The following ANXA2 variants were observed in gnomAD, a reference collection of about 807,000 sequenced individuals.
The protein encoded by ANXA2 is annexin A2.
A neutral mutation model predicts 47.3 loss-of-function variants in ANXA2; 28 were observed. The ratio of observed to expected loss-of-function variants is 0.59; its 90% CI spans 0.44 to 0.81. The LOEUF (loss-of-function observed/expected upper bound fraction) is 0.81, where lower values mean the gene tolerates loss of function less well. Ranked by LOEUF, ANXA2 falls within the 40% of genes least tolerant of loss-of-function variation. ANXA2 has a pLI of 0.00. For synonymous variants in ANXA2, 172 were observed against 155.5 expected (o/e 1.11, Z -0.79); for missense variants, 384 against 414.3 (o/e 0.93, Z 0.64).
At chr15:60,348,373 T>C (rs1235675260) in intron 12 of ANXA2, among the ~76,000 whole-genome samples, 1 of 152,120 alleles carries the variant, frequency 6.6e-6, no homozygotes, top group Admixed American at 6.5e-5. Flanking sequence ...CTAAACTGAT[T>C]GGAGAGATGG....
intron 1 of ANXA2, among the ~76,000 whole-genome samples, chr15:60,395,092 G>C (rs1172956701): frequency 6.6e-6 from 1 of 152,190 alleles, no homozygotes; most frequent in Non-Finnish European, 1.5e-5. Flanking sequence ...CCCCGAGGTA[G>C]GTAAAATGTG....
chr15:60,387,755 T>C (rs1397052574), intron 1 of ANXA2, among the ~76,000 whole-genome samples: 1 of 152,228 alleles, frequency 6.6e-6, no homozygotes, highest in Non-Finnish European at 1.5e-5. Context: ...TGTGTCAATG[T>C]AGGTTCATCA....
chr15:60,377,882 G>A (rs1199256859), intron 3 of ANXA2, among the ~76,000 whole-genome samples: 2 of 152,062 alleles, frequency 1.3e-5, no homozygotes, highest in Non-Finnish European at 2.9e-5. Context: ...GAGGTCAGGA[G>A]TGCGAGACGA....
Position 60,360,257 on chromosome 15 carries a change from A to AAAAAC in ANXA2, c.357+679_357+683dup, listed in dbSNP as rs374584181. On this transcript the variant is annotated intron_variant, in intron 5 of 12. Coordinates refer to ENST00000451270, the MANE Select transcript of ANXA2 (RefSeq NM_004039.3). Reference sequence around the variant, plus strand: ...GGCAACAAGAGCGAAATCCATCTCAAAAAACAAAACAAAACAAAACAAAAA... The same window carrying AAAAAC: ...GGCAACAAGAGCGAAATCCATCTCAAAAAACAAAACAAAACAAAACAAAACAAAAA... Among the ~76,000 whole-genome samples the AAAAAC allele has an allele frequency of 5.5e-3, 838 of 152,306 alleles. 11 individuals carry two copies. The highest frequency in any genetic ancestry group is 0.02 in the African/African-American group (813 of 41,522).
At chr15:60,355,640 G>A (rs1566932007) in intron 7 of ANXA2, 6 of 500,364 alleles carry the variant, frequency 1.2e-5, no homozygotes, top group Admixed American at 3.2e-5. Context: ...TAAGTCACAC[G>A]GCCAAGGCTC....
chr15:60,348,740 C>T (rs150918436), intron 12 of ANXA2, among the ~76,000 whole-genome samples: 2,129 of 124,810 alleles, frequency 0.017, 25 homozygotes, highest in Middle Eastern at 0.039. Context: ...AGCAAGACTC[C>T]GTCTCAAAAA....
At position 60,355,983 on chromosome 15, in the gene ANXA2, A is replaced by G; in HGVS notation, c.464T>C (p.Leu155Pro). 1 of 1,613,926 alleles carries G rather than the reference A, an allele frequency of 6.2e-7. No individual in the cohort carries two copies. The highest frequency in any genetic ancestry group is 8.5e-7 in the Non-Finnish European group (1 of 1,179,784). The change falls in exon 7 of 13, where the codon CTG becomes CCG. Residue 155 changes from leucine (L) to proline (P), a missense_variant. Transcript: ENST00000451270. ...TGTGTCCGAAATAATGTCCTTCTCC[A>G]GATCAGTCTTGTACACTTGGAGGAA... ...RVYKEMYKTD[L>P]EKDIISDTSG...
chr15:60,388,988 C>G (rs1011894862), intron 1 of ANXA2, among the ~76,000 whole-genome samples: 1 of 151,850 alleles, frequency 6.6e-6, no homozygotes, highest in Non-Finnish European at 1.5e-5. Flanking sequence ...TCTCTAACTT[C>G]AACATGGACC....
intron 1 of ANXA2, 195 bp downstream of exon 1, chr15:60,397,748 T>G: frequency 1.4e-4 from 47 of 334,916 alleles, no homozygotes; most frequent in Middle Eastern, 6.0e-4. Flanking sequence ...CCCTCACCCC[T>G]GCCCCAAACA....
chr15:60,361,584 C>T (rs947822640), intron 4 of ANXA2: 1 of 156,120 alleles, frequency 6.4e-6, no homozygotes, highest in Non-Finnish European at 1.4e-5. Context: ...GGTCATGAAA[C>T]TTTCCTATGC....
chr15:60,357,212 G>T lies in ANXA2; in HGVS notation c.382C>A (p.Leu128Ile). 6.2e-7 allele frequency: 1 copy of T among 1,614,170 alleles called. No individual in the cohort carries two copies. The change falls in exon 6 of 13, where the codon CTC becomes ATC. Residue 128 changes from leucine to isoleucine, a missense_variant. Coordinates refer to ENST00000451270, the MANE Select transcript of ANXA2 (RefSeq NM_004039.3). ...GTTCTGGAGCAGATGATCTCAATGA[G>T]AGAGTCCTCGTCGGTTCCCAGCCCC... ...MKGLGTDEDS[L>I]IEIICSRTNQ...
chr15:60,357,612 T>C (rs966682296), intron 5 of ANXA2, among the ~76,000 whole-genome samples: 1 of 151,928 alleles, frequency 6.6e-6, no homozygotes, highest in Non-Finnish European at 1.5e-5. Flanking sequence ...GCTAACACAG[T>C]GAAACCCCAT....
chr15:60,380,033 G>A (rs1257322477), intron 3 of ANXA2, among the ~76,000 whole-genome samples: 1 of 152,106 alleles, frequency 6.6e-6, no homozygotes, highest in East Asian at 1.9e-4. Flanking sequence ...CTAAACTTAG[G>A]GCTGCTGCAA....
chr15:60,360,211 G>A (rs190115439), intron 5 of ANXA2, among the ~76,000 whole-genome samples: 12 of 152,252 alleles, frequency 7.9e-5, no homozygotes, highest in East Asian at 7.7e-4. Flanking sequence ...AACTGAGATC[G>A]CGCCATTGCA....
chr15:60,380,798 C>A (rs1410784678), intron 3 of ANXA2, among the ~76,000 whole-genome samples: 4 of 120,486 alleles, frequency 3.3e-5, no homozygotes, highest in Non-Finnish European at 4.9e-5. Context: ...GAGTGAAACT[C>A]CATCTCAAAA....
Position 60,360,964 on chromosome 15 carries a change from A to G in ANXA2, c.334T>C (p.Ser112Pro), listed in dbSNP as rs1034831921. The stretch of plus-strand genomic sequence containing the variant: ...ACCTTCATGGAAGCTTTTAGCTCAG[A>G]AGCGTCATACTGAGCAGGTGTCTTC... ...LLKTPAQYDASELKASMKGLG... is the reference protein window; with the variant it reads ...LLKTPAQYDAPELKASMKGLG... Residue 112 changes from serine (S) to proline (P), a missense_variant, in exon 5 of 13, where the codon TCT (serine) becomes CCT (proline). Ser to Pro is a moderately conservative substitution (Grantham distance 74). Coordinates refer to ENST00000451270, the MANE Select transcript of ANXA2 (RefSeq NM_004039.3). The G allele has an allele frequency of 6.2e-7, 1 of 1,610,826 alleles. No homozygotes were observed. The highest frequency in any genetic ancestry group is 1.3e-5 in the African/African-American group (1 of 74,870).
At chr15:60,387,853 A>G (rs1208141729) in intron 1 of ANXA2, among the ~76,000 whole-genome samples, 2 of 152,098 alleles carry the variant, frequency 1.3e-5, no homozygotes, top group African/African-American at 4.8e-5. Context: ...CATTCTTTGT[A>G]TTTTCTATTC....
Position 60,347,513 on chromosome 15 carries a change from C to T in ANXA2, c.*117G>A. 1.1e-6 allele frequency: 1 copy of T among 948,078 alleles called. No individual in the cohort carries two copies. Among genetic ancestry groups the T allele is most frequent in the Non-Finnish European group, 1.7e-6 (1 of 601,610 alleles). 58.7% of individuals were successfully genotyped at this position (948,078 alleles called of 1,614,324 possible). On this transcript the variant is annotated 3_prime_UTR_variant, in exon 13 of 13. Coordinates refer to ENST00000451270, the MANE Select transcript of ANXA2 (RefSeq NM_004039.3). The stretch of plus-strand genomic sequence containing the variant: ...AACTAAAATGAGGTTGGGGGTAATG[C>T]TAACGTCACCCTCACAGGGATGGCC...
At chr15:60,357,601 G>A (rs1645121497) in intron 5 of ANXA2, among the ~76,000 whole-genome samples, 1 of 152,090 alleles carries the variant, frequency 6.6e-6, no homozygotes, top group African/African-American at 2.4e-5. Context: ...AGACCATTCT[G>A]GCTAACACAG....
Sources: allele counts gnomAD v4.1 joint callset (sites outside exome capture counted in the v4.1 genomes callset), GRCh38; gene constraint gnomAD v4.1.1; transcripts MANE v1.5; gene names NCBI Gene and HGNC (gene_info 2026-07-23, HGNC 2026-07-21).